BPGM: variants seen among roughly 807,000 people sequenced by gnomAD.
BPGM encodes the protein 2,3-bisphosphoglycerate mutase, erythrocyte.
A neutral mutation model predicts 21.6 loss-of-function variants in BPGM; 15 were observed. The ratio of observed to expected loss-of-function variants is 0.70; its 90% CI spans 0.47 to 1.07. The LOEUF (loss-of-function observed/expected upper bound fraction) is 1.07. BPGM is among the 50% of genes least tolerant of loss of function. The pLI, the probability that BPGM is intolerant of heterozygous loss-of-function variation, is 0.00. For missense variants in BPGM, 273 were observed against 319.0 expected (o/e 0.86, Z 1.10); for synonymous variants, 113 against 116.2 (o/e 0.97, Z 0.18).
intron 2 of BPGM, among the ~76,000 whole-genome samples, chr7:134,665,071 TTGTG>T (rs1471164568): frequency 2.5e-4 from 38 of 152,308 alleles, no homozygotes; most frequent in South Asian, 8.3e-4. Flanking sequence ...GTTGTACACT[TTGTG>T]TGGGTGAATT....
chr7:134,668,547 A>AT (rs1215362520), intron 2 of BPGM, among the ~76,000 whole-genome samples: 7 of 152,346 alleles, frequency 4.6e-5, no homozygotes, highest in Admixed American at 3.3e-4. Flanking sequence ...TGCATACTGC[A>AT]TGCCAAGCAC....
chr7:134,662,132 T>C (rs887470094), intron 2 of BPGM, 24 bp downstream of exon 2: 2 of 1,613,432 alleles, frequency 1.2e-6, no homozygotes, highest in Non-Finnish European at 1.7e-6. Flanking sequence ...ATACCACTTA[T>C]TAGAGGTTGC....
intron 2 of BPGM, 101 bp from the exon 3 acceptor site, chr7:134,678,752 G>T: frequency 8.5e-7 from 1 of 1,174,678 alleles, no homozygotes; most frequent in Non-Finnish European, 1.3e-6. Context: ...GCATGTTTCA[G>T]GCACACAGTT....
intron 1 of BPGM, among the ~76,000 whole-genome samples, chr7:134,651,495 ATATTT>A (rs2131414207): frequency 6.6e-6 from 1 of 152,300 alleles, no homozygotes; most frequent in African/African-American, 2.4e-5. Context: ...ATGTGAAATT[ATATTT>A]CACATAATTT....
At chr7:134,668,910 A>C (rs138298774) in intron 2 of BPGM, among the ~76,000 whole-genome samples, 38 of 152,306 alleles carry the variant, frequency 2.5e-4, no homozygotes, top group African/African-American at 8.9e-4. Flanking sequence ...GTGGGGTAAG[A>C]GTAGGCTGCT....
At chr7:134,650,086 A>G (rs894243400) in intron 1 of BPGM, among the ~76,000 whole-genome samples, 1 of 152,244 alleles carries the variant, frequency 6.6e-6, no homozygotes, top group African/African-American at 2.4e-5. Context: ...GAATTTAAAT[A>G]AGTTAAGATC....
chr7:134,660,669 G>C (rs1247348120), intron 1 of BPGM: 2 of 152,402 alleles, frequency 1.3e-5, no homozygotes, highest in African/African-American at 4.8e-5. Context: ...CTGCCTACCA[G>C]ATCTGTTTGT....
At chr7:134,660,194 C>G (rs547600604) in intron 1 of BPGM, among the ~76,000 whole-genome samples, 9 of 152,256 alleles carry the variant, frequency 5.9e-5, no homozygotes, top group Non-Finnish European at 7.4e-5. Flanking sequence ...AAGGTAGAAA[C>G]TAGATCTAGA....
intron 2 of BPGM, among the ~76,000 whole-genome samples, chr7:134,677,814 TTC>T (rs1796003764): frequency 6.6e-6 from 1 of 152,204 alleles, no homozygotes; most frequent in Admixed American, 6.5e-5. Context: ...CTTCATCTCT[TTC>T]TCATGCCTTC....
intron 1 of BPGM, among the ~76,000 whole-genome samples, chr7:134,654,925 G>T (rs1291269505): frequency 6.6e-6 from 1 of 152,060 alleles, no homozygotes; most frequent in Non-Finnish European, 1.5e-5. Flanking sequence ...AGGGGAGGGA[G>T]GATAAGATAC....
chr7:134,662,237 A>G (rs1021581064), intron 2 of BPGM, 129 bp downstream of exon 2: 2 of 1,304,726 alleles, frequency 1.5e-6, no homozygotes, highest in African/African-American at 2.9e-5. Flanking sequence ...CTTCAGATTT[A>G]AGAATTGTCT....
intron 1 of BPGM, among the ~76,000 whole-genome samples, chr7:134,651,268 A>C (rs1048012373): frequency 6.6e-6 from 1 of 152,156 alleles, no homozygotes; most frequent in Non-Finnish European, 1.5e-5. Context: ...TAAACGTTGG[A>C]AATACAAGAA....
chr7:134,662,874 C>A (rs941675404), intron 2 of BPGM, among the ~76,000 whole-genome samples: 2 of 152,330 alleles, frequency 1.3e-5, no homozygotes, highest in South Asian at 2.1e-4. Flanking sequence ...TTTTAAGTAA[C>A]ATGAACCAAA....
intron 1 of BPGM, among the ~76,000 whole-genome samples, chr7:134,648,751 C>T (rs1795510004): frequency 6.6e-6 from 1 of 152,116 alleles, no homozygotes; most frequent in African/African-American, 2.4e-5. Flanking sequence ...GCAATCTCTG[C>T]TCACTGCAAC....
intron 2 of BPGM, among the ~76,000 whole-genome samples, 185 bp from the exon 3 acceptor site, chr7:134,678,668 T>G (rs1453357098): frequency 1.3e-5 from 2 of 152,230 alleles, no homozygotes; most frequent in Non-Finnish European, 2.9e-5. Context: ...GCTGTGAATC[T>G]CTAAGCCTTT....
At chr7:134,673,025 G>T (rs3778836) in intron 2 of BPGM, among the ~76,000 whole-genome samples, 92,716 of 151,620 alleles carry the variant, frequency 0.61, 28,759 homozygotes, top group East Asian at 0.87. Flanking sequence ...ATACAAAAAA[G>T]TAGCCGGGTG....
chr7:134,659,163 G>A (rs1436073378), intron 1 of BPGM, among the ~76,000 whole-genome samples: 3 of 152,106 alleles, frequency 2.0e-5, no homozygotes, highest in Non-Finnish European at 2.9e-5. Context: ...TAAACTGAGG[G>A]TGAAGGTAGA....
At chr7:134,678,153 T>C (rs1253333389) in intron 2 of BPGM, among the ~76,000 whole-genome samples, 1 of 152,244 alleles carries the variant, frequency 6.6e-6, no homozygotes, top group East Asian at 1.9e-4. Context: ...CTGGTCCAAG[T>C]TGAATTACCT....
intron 2 of BPGM, among the ~76,000 whole-genome samples, chr7:134,674,602 T>C (rs777578914): frequency 2.6e-5 from 4 of 152,252 alleles, no homozygotes; most frequent in Non-Finnish European, 4.4e-5. Context: ...ACTTCATTCC[T>C]TTTCATTGCC....
Sources: allele counts gnomAD v4.1 joint callset (sites outside exome capture counted in the v4.1 genomes callset), GRCh38; gene constraint gnomAD v4.1.1; transcripts MANE v1.5; gene names NCBI Gene and HGNC (gene_info 2026-07-23, HGNC 2026-07-21).